Variants in CSMD1 observed in about 807,000 individuals in gnomAD.
The protein encoded by CSMD1 is CUB and sushi domain-containing protein 1.
In CSMD1, 213 loss-of-function variants were observed where a neutral mutation model predicts 417.5. That is an observed-to-expected ratio of 0.51 (90% CI 0.46 to 0.57). CSMD1 has a LOEUF of 0.57. Among genes scored for constraint, CSMD1 ranks in the 20% least tolerant of loss-of-function variants. The probability of loss-of-function intolerance (pLI) is 0.00; values close to 1 mark genes in which losing one functional copy is unlikely to be tolerated. For missense variants in CSMD1, 6,923 were observed against 4,529.7 expected, an observed-to-expected ratio of 1.53 and a Z score of -15.17; for synonymous variants, 2,862 against 1,736.8, an observed-to-expected ratio of 1.65 and a Z score of -16.11.
At chr8:3,464,361 T>C (rs927415517) in intron 12 of CSMD1, among the ~76,000 whole-genome samples, 3 of 152,176 alleles carry the variant, frequency 2.0e-5, no homozygotes, top group Non-Finnish European at 4.4e-5. Flanking sequence ...TCCTCATGGC[T>C]AGAAGCTGCA....
At chr8:3,172,033 A>G (rs1820611242) in intron 37 of CSMD1, among the ~76,000 whole-genome samples, 2 of 152,198 alleles carry the variant, frequency 1.3e-5, no homozygotes, top group South Asian at 4.1e-4. Context: ...CAAAAACTAA[A>G]GGATCTACAA....
intron 57 of CSMD1, among the ~76,000 whole-genome samples, chr8:2,967,528 A>G (rs1224978076): frequency 1.3e-5 from 2 of 151,984 alleles, no homozygotes; most frequent in East Asian, 3.8e-4. Flanking sequence ...ATTTCAATCT[A>G]CACTTTTTTT....
chr8:4,604,051 G>C (rs185409057), intron 2 of CSMD1, among the ~76,000 whole-genome samples: 2 of 152,014 alleles, frequency 1.3e-5, no homozygotes, highest in Non-Finnish European at 2.9e-5. Flanking sequence ...TTTATTGACA[G>C]TTGTTAACTT....
chr8:4,025,867 A>C lies in CSMD1; in HGVS notation c.610+6038T>G, dbSNP rs1171700393. Among the ~76,000 whole-genome samples, 6 of 152,138 alleles carry C rather than the reference A, an allele frequency of 3.9e-5. No individual in the cohort carries two copies. In the East Asian group the frequency reaches 1.2e-3, roughly 29 times the overall value. ...ATATACAGTTATACCTTTTTCTTTA[A>C]AGAACATCACGGCTACATATATAAT... On this transcript the variant is annotated intron_variant, in intron 4 of 69. Transcript: ENST00000635120.
chr8:3,523,078 C>T (rs1041066009), intron 10 of CSMD1, among the ~76,000 whole-genome samples: 1 of 151,664 alleles, frequency 6.6e-6, no homozygotes, highest in African/African-American at 2.4e-5. Flanking sequence ...GAATTCAGGT[C>T]TCTAACTCCA....
At chr8:4,322,554 G>C (rs1302759579) in intron 3 of CSMD1, among the ~76,000 whole-genome samples, 2 of 152,172 alleles carry the variant, frequency 1.3e-5, no homozygotes, top group African/African-American at 4.8e-5. Flanking sequence ...GCCCTGAAGA[G>C]AGTAAGTAAG....
intron 5 of CSMD1, among the ~76,000 whole-genome samples, chr8:3,797,805 A>G (rs933075135): frequency 1.3e-5 from 2 of 151,974 alleles, no homozygotes; most frequent in South Asian, 2.1e-4. Flanking sequence ...TTAGGTAGGT[A>G]TATGTCTGAC....
At chr8:3,722,089 T>C (rs1193568834) in intron 6 of CSMD1, among the ~76,000 whole-genome samples, 1 of 152,116 alleles carries the variant, frequency 6.6e-6, no homozygotes, top group Non-Finnish European at 1.5e-5. Context: ...ATGCCTGTAA[T>C]CTCAGCACTT....
chr8:4,229,575 C>T (rs1201884105), intron 3 of CSMD1, among the ~76,000 whole-genome samples: 1 of 152,196 alleles, frequency 6.6e-6, no homozygotes, highest in Non-Finnish European at 1.5e-5. Context: ...CAGCACCTTA[C>T]AGGACCTGTT....
intron 5 of CSMD1, among the ~76,000 whole-genome samples, chr8:3,910,973 T>C (rs1290944687): frequency 6.6e-6 from 1 of 152,218 alleles, no homozygotes; most frequent in Non-Finnish European, 1.5e-5. Context: ...GGCATATTTC[T>C]GTAGCTATTA....
intron 3 of CSMD1, among the ~76,000 whole-genome samples, chr8:4,254,786 C>G (rs983366404): frequency 1.6e-4 from 24 of 152,092 alleles, no homozygotes; most frequent in African/African-American, 5.8e-4. Context: ...TCTGCAGGAC[C>G]CTAACAAGGT....
At chr8:3,248,351 A>C (rs923147559) in intron 26 of CSMD1, among the ~76,000 whole-genome samples, 2 of 152,126 alleles carry the variant, frequency 1.3e-5, no homozygotes, top group Non-Finnish European at 2.9e-5. Flanking sequence ...TTTACTCTTA[A>C]AATATCCCAA....
chr8:4,048,650 G>T (rs1245359207), intron 3 of CSMD1, among the ~76,000 whole-genome samples: 2 of 152,174 alleles, frequency 1.3e-5, no homozygotes, highest in Non-Finnish European at 2.9e-5. Flanking sequence ...GTGTCAATCT[G>T]ACTTCCAACC....
chr8:3,319,229 A>C (rs80041554), intron 23 of CSMD1, among the ~76,000 whole-genome samples: 2 of 152,314 alleles, frequency 1.3e-5, no homozygotes, highest in Non-Finnish European at 2.9e-5. Context: ...AAAACTACTA[A>C]TTGCTTAAAA....
chr8:4,808,958 G>C (rs181021448), intron 1 of CSMD1, among the ~76,000 whole-genome samples: 1 of 152,282 alleles, frequency 6.6e-6, no homozygotes, highest in Admixed American at 6.5e-5. Context: ...AAGAACATAA[G>C]AGATCCAGAA....
intron 2 of CSMD1, among the ~76,000 whole-genome samples, chr8:4,516,478 C>T (rs980613853): frequency 1.3e-5 from 2 of 152,172 alleles, no homozygotes; most frequent in Non-Finnish European, 2.9e-5. Context: ...GAGACAACGG[C>T]TGGACCCCGG....
chr8:4,062,160 A>C (rs547626713), intron 3 of CSMD1, among the ~76,000 whole-genome samples: 1 of 152,214 alleles, frequency 6.6e-6, no homozygotes, highest in East Asian at 1.9e-4. Flanking sequence ...CTGATACCAG[A>C]AACACGCAAG....
intron 12 of CSMD1, among the ~76,000 whole-genome samples, chr8:3,438,929 A>C (rs2117050844): frequency 6.6e-6 from 1 of 151,536 alleles, no homozygotes; most frequent in South Asian, 2.1e-4. Flanking sequence ...GAGTCTGGCC[A>C]ACCTGGTGAA....
At chr8:4,144,768 G>A (rs1050552299) in intron 3 of CSMD1, among the ~76,000 whole-genome samples, 2 of 150,988 alleles carry the variant, frequency 1.3e-5, no homozygotes, top group African/African-American at 2.5e-5. Context: ...AGGAGAACAG[G>A]AATGATGGAT....
Sources: gnomAD v4.1 joint callset for allele counts (sites outside exome capture counted in the v4.1 genomes callset) on GRCh38, gnomAD v4.1.1 for gene constraint, MANE v1.5 for transcripts, NCBI Gene and HGNC (gene_info 2026-07-23, HGNC 2026-07-21) for gene names.